Variants in LRMDA observed in about 807,000 individuals in gnomAD.
LRMDA encodes the protein leucine-rich melanocyte differentiation-associated protein.
In LRMDA, 18 loss-of-function variants were observed where a neutral mutation model predicts 29.8. That is an observed-to-expected ratio of 0.60 (90% confidence interval 0.42 to 0.90). LRMDA has a LOEUF of 0.90. Ranked by LOEUF, LRMDA falls within the 40% of genes least tolerant of loss-of-function variation. The pLI, the probability that LRMDA is intolerant of heterozygous loss-of-function variation, is 0.00. For synonymous variants in LRMDA, 125 were observed against 109.4 expected (o/e 1.14, Z -0.89); for missense variants, 273 against 273.9 (o/e 1.00, Z 0.02).
chr10:75,708,274 C>T (rs954922507), intron 2 of LRMDA, among the ~76,000 whole-genome samples: 6 of 152,342 alleles, frequency 3.9e-5, no homozygotes, highest in East Asian at 1.9e-4. Context: ...GATCTGTCTC[C>T]GCCACTGCTC....
chr10:76,039,219 T>C (rs902425216), intron 3 of LRMDA, among the ~76,000 whole-genome samples: 7 of 152,328 alleles, frequency 4.6e-5, no homozygotes, highest in Non-Finnish European at 1.0e-4. Context: ...GCATAATTCA[T>C]TTCTGTAACA....
intron 2 of LRMDA, among the ~76,000 whole-genome samples, chr10:75,923,849 G>A (rs936139872): frequency 1.3e-5 from 2 of 152,088 alleles, no homozygotes; most frequent in Non-Finnish European, 2.9e-5. Flanking sequence ...ATTGGAGTAA[G>A]TCTCTTGAGA....
At chr10:75,998,968 A>G (rs1847517607) in intron 2 of LRMDA, among the ~76,000 whole-genome samples, 1 of 152,120 alleles carries the variant, frequency 6.6e-6, no homozygotes, top group Admixed American at 6.5e-5. Flanking sequence ...TCCTTTTTCA[A>G]CCATCCATTC....
At chr10:75,902,096 C>G (rs766966256) in intron 2 of LRMDA, among the ~76,000 whole-genome samples, 18 of 152,130 alleles carry the variant, frequency 1.2e-4, no homozygotes, top group Non-Finnish European at 2.4e-4. Flanking sequence ...ACATTCCCCC[C>G]ACAAGAGGCC....
chr10:75,478,431 A>G (rs1297259808), intron 2 of LRMDA, among the ~76,000 whole-genome samples: 2 of 152,132 alleles, frequency 1.3e-5, no homozygotes, highest in Admixed American at 6.6e-5. Context: ...TTTAGTTTCA[A>G]TATTTGATTT....
chr10:76,215,769 G>A (rs912047262), intron 5 of LRMDA, among the ~76,000 whole-genome samples: 2 of 152,132 alleles, frequency 1.3e-5, no homozygotes, highest in Non-Finnish European at 2.9e-5. Context: ...TATAAAATGG[G>A]TGTAAGTGAG....
intron 6 of LRMDA, among the ~76,000 whole-genome samples, chr10:76,493,398 A>C (rs796886400): frequency 1.3e-5 from 2 of 152,142 alleles, no homozygotes; most frequent in African/African-American, 4.8e-5. Flanking sequence ...TCTTCAGGGC[A>C]ATGGGTTCCC....
chr10:76,488,889 T>C (rs1409086131), intron 6 of LRMDA, among the ~76,000 whole-genome samples: 2 of 151,874 alleles, frequency 1.3e-5, no homozygotes, highest in Non-Finnish European at 2.9e-5. Context: ...TTGAGTTTGG[T>C]TTACTAGTAT....
intron 6 of LRMDA, among the ~76,000 whole-genome samples, chr10:76,335,993 T>G (rs983332108): frequency 6.6e-6 from 1 of 152,188 alleles, no homozygotes; most frequent in Non-Finnish European, 1.5e-5. Context: ...TGGAGTGCCC[T>G]GGCCAACAGG....
At chr10:75,578,995 A>C (rs1411351940) in intron 2 of LRMDA, among the ~76,000 whole-genome samples, 2 of 152,204 alleles carry the variant, frequency 1.3e-5, no homozygotes, top group East Asian at 3.9e-4. Context: ...CTAACATGAC[A>C]ATTCAAAGAA....
chr10:75,746,286 A>G (rs1170696456), intron 2 of LRMDA, among the ~76,000 whole-genome samples: 1 of 152,246 alleles, frequency 6.6e-6, no homozygotes, highest in Admixed American at 6.5e-5. Flanking sequence ...AACAACTGAA[A>G]CAATACAATT....
At chr10:75,937,717 G>A (rs183462163) in intron 2 of LRMDA, among the ~76,000 whole-genome samples, 1 of 152,266 alleles carries the variant, frequency 6.6e-6, no homozygotes, top group East Asian at 1.9e-4. Flanking sequence ...ACTTCCACCT[G>A]GGGCTGCGGA....
At chr10:75,722,369 A>G (rs556597019) in intron 2 of LRMDA, among the ~76,000 whole-genome samples, 53 of 152,306 alleles carry the variant, frequency 3.5e-4, no homozygotes, top group Non-Finnish European at 6.3e-4. Context: ...GATGCTAAAA[A>G]AGTAAGTAGG....
chr10:76,371,014 A>T (rs1841447917), intron 6 of LRMDA, among the ~76,000 whole-genome samples: 1 of 152,214 alleles, frequency 6.6e-6, no homozygotes, highest in South Asian at 2.1e-4. Context: ...GGACTCTTCA[A>T]GTTCAGCTGA....
intron 6 of LRMDA, among the ~76,000 whole-genome samples, chr10:76,427,672 G>C (rs1056423426): frequency 6.6e-6 from 1 of 152,136 alleles, no homozygotes. Context: ...GGGCATCCCT[G>C]TCTTGTGCCC....
At chr10:76,188,935 TAC>T (rs3998129) in intron 5 of LRMDA, among the ~76,000 whole-genome samples, 4,063 of 140,954 alleles carry the variant, frequency 0.029, 62 homozygotes, top group African/African-American at 0.047. Context: ...TGATTGCATG[TAC>T]ACACACACAC....
chr10:76,551,883 G>A (rs1843500033), intron 6 of LRMDA, among the ~76,000 whole-genome samples: 1 of 152,080 alleles, frequency 6.6e-6, no homozygotes, highest in East Asian at 1.9e-4. Context: ...CTTTTGCAGG[G>A]GTCAGGAGGT....
chr10:76,499,523 G>A lies in LRMDA; in HGVS notation c.602-57686G>A, dbSNP rs1487509095. Among the ~76,000 whole-genome samples the A allele has an allele frequency of 5.3e-5, 4 of 74,814 alleles. 1 individual carries two copies. The highest frequency in any genetic ancestry group is 8.9e-5 in the Non-Finnish European group (2 of 22,562). The allele number at this position is 74,814 out of a possible 152,430, so 49.1% of individuals were successfully genotyped here. On this transcript the variant is annotated intron_variant, in intron 6 of 6. Coordinates refer to ENST00000611255, the MANE Select transcript of LRMDA (RefSeq NM_001305581.2). ...TGATGAATATTTTGACTAGAATTCA[G>A]GCATTATACTTTTATTTTTAACCTT...
chr10:75,574,145 T>C (rs1395982426), intron 2 of LRMDA, among the ~76,000 whole-genome samples: 1 of 152,200 alleles, frequency 6.6e-6, no homozygotes, highest in Non-Finnish European at 1.5e-5. Context: ...CAAAGCAGCA[T>C]GTCCTATCCC....
Sources: allele counts gnomAD v4.1 joint callset (sites outside exome capture counted in the v4.1 genomes callset), GRCh38; gene constraint gnomAD v4.1.1; transcripts MANE v1.5; gene names NCBI Gene and HGNC (gene_info 2026-07-23, HGNC 2026-07-21).